The following BCL2L13 variants were observed in gnomAD, a reference collection of about 807,000 sequenced individuals.
BCL2L13 encodes the protein bcl-2-like protein 13.
A neutral mutation model predicts 25.8 loss-of-function variants in BCL2L13; 13 were observed. The ratio of observed to expected loss-of-function variants is 0.50; its 90% CI spans 0.33 to 0.80. The LOEUF is 0.80. Ranked by LOEUF, BCL2L13 falls within the 30% of genes least tolerant of loss-of-function variation. The probability of loss-of-function intolerance (pLI) is 0.02; values close to 1 mark genes in which losing one functional copy is unlikely to be tolerated. For missense variants in BCL2L13, 504 were observed against 574.9 expected, an observed-to-expected ratio of 0.88 and a Z score of 1.26; for synonymous variants, 244 against 230.3, an observed-to-expected ratio of 1.06 and a Z score of -0.54.
At chr22:17,667,900 T>C (rs1426427045) in intron 2 of BCL2L13, among the ~76,000 whole-genome samples, 1 of 152,130 alleles carries the variant, frequency 6.6e-6, no homozygotes, top group Non-Finnish European at 1.5e-5. Context: ...GTCTTTTTAC[T>C]TACTTTCTTG....
At position 17,686,584 on chromosome 22, in the gene BCL2L13, C is replaced by G. The variant is rs1302604122; in HGVS notation, c.230-2402C>G. Among the ~76,000 whole-genome samples, 3 of 147,296 alleles carry G rather than the reference C, an allele frequency of 2.0e-5. No homozygotes were observed. In the East Asian group the frequency reaches 6.2e-4, roughly 30 times the overall value. ...GGAGTGCAGTGGTGCGATCTCAGTT[C>G]ACTGCAACCTCCGCCTCCCGAGTTT... is the stretch of plus-strand genomic sequence containing the variant. On this transcript the variant is annotated intron_variant, in intron 3 of 6. Coordinates refer to ENST00000317582, the MANE Select transcript of BCL2L13 (RefSeq NM_015367.4).
At chr22:17,709,142 A>C (rs935104206) in intron 6 of BCL2L13, among the ~76,000 whole-genome samples, 2 of 152,096 alleles carry the variant, frequency 1.3e-5, no homozygotes, top group African/African-American at 4.8e-5. Context: ...AGGCTGAGGC[A>C]GGAGAATGGC....
At chr22:17,650,326 T>A (rs1014500066) in intron 1 of BCL2L13, among the ~76,000 whole-genome samples, 3 of 152,188 alleles carry the variant, frequency 2.0e-5, no homozygotes. Context: ...GGGTTCCTCT[T>A]CCAGCTTCTC....
Position 17,693,368 on chromosome 22 carries a change from G to GTT in BCL2L13, c.387-2771_387-2770dup, listed in dbSNP as rs1335053444. On this transcript the variant is annotated intron_variant, in intron 4 of 6. Coordinates refer to ENST00000317582, the MANE Select transcript of BCL2L13 (RefSeq NM_015367.4). ...TTATTTATTTATTTATTTATTTAGT[G>GTT]TTTGTTTTTTTTTTTTTTTTTTTTT... Among the ~76,000 whole-genome samples the GTT allele has an allele frequency of 4.3e-4, 48 of 112,228 alleles. 3 individuals carry two copies. Among genetic ancestry groups the GTT allele is most frequent in the African/African-American group, 1.8e-3 (45 of 25,596 alleles). The allele number at this position is 112,228 out of a possible 152,430, so 73.6% of individuals were successfully genotyped here. A position where few individuals can be genotyped will look rare whatever the true frequency, so the allele number is the denominator to read the frequency against.
chr22:17,685,764 T>C (rs953213741), intron 3 of BCL2L13, among the ~76,000 whole-genome samples: 1 of 92,992 alleles, frequency 1.1e-5, no homozygotes, highest in Non-Finnish European at 2.1e-5. Context: ...CTTTTTCTTT[T>C]TTTTTTTTTT....
chr22:17,705,878 C>T lies in BCL2L13; in HGVS notation c.600+3492C>T, dbSNP rs567786833. ...TGCAGCTACTTTTGAAAACCTGCAG[C>T]AGAGGAGGTGGTGCCAGCAGCCATA... On this transcript the variant is annotated intron_variant, in intron 6 of 6. Transcript: ENST00000317582. Among the ~76,000 whole-genome samples the T allele has an allele frequency of 2.0e-5, 3 of 152,232 alleles. No homozygotes were observed. In the East Asian group the frequency reaches 5.8e-4, roughly 29 times the overall value.
chr22:17,726,535 C>G (rs2061303331), intron 6 of BCL2L13, 142 bp from the exon 7 acceptor site: 3 of 940,430 alleles, frequency 3.2e-6, no homozygotes, highest in South Asian at 3.6e-5. Flanking sequence ...CAAATACATG[C>G]ATTCCATTCG....
intron 4 of BCL2L13, among the ~76,000 whole-genome samples, chr22:17,691,521 C>T (rs2060104194): frequency 6.6e-6 from 1 of 152,124 alleles, no homozygotes; most frequent in Non-Finnish European, 1.5e-5. Context: ...TGGTGGGTGC[C>T]TGTAGTCCCA....
At chr22:17,721,691 A>G (rs961932356) in intron 6 of BCL2L13, among the ~76,000 whole-genome samples, 13 of 151,974 alleles carry the variant, frequency 8.6e-5, no homozygotes, top group African/African-American at 3.1e-4. Context: ...CGCCTGGCTA[A>G]TTTTTGTATT....
At chr22:17,674,301 TTTTG>T (rs2059508464) in intron 2 of BCL2L13, among the ~76,000 whole-genome samples, 1 of 152,056 alleles carries the variant, frequency 6.6e-6, no homozygotes, top group African/African-American at 2.4e-5. Context: ...TGTTTGAGGT[TTTTG>T]TTTGTTTTGT....
intron 5 of BCL2L13, among the ~76,000 whole-genome samples, chr22:17,698,115 C>CT (rs532136778): frequency 2.4e-3 from 347 of 145,664 alleles, no homozygotes; most frequent in African/African-American, 7.2e-3. Context: ...TGTGCCTGGC[C>CT]TTTTTTTTTT....
intron 6 of BCL2L13, among the ~76,000 whole-genome samples, chr22:17,723,828 GAGGC>G (rs970719030): frequency 3.4e-4 from 52 of 152,052 alleles, no homozygotes; most frequent in African/African-American, 1.3e-3. Context: ...AGCTACTCGG[GAGGC>G]TGAGGCAGGA....
chr22:17,702,153 A>G (rs1438360606), intron 5 of BCL2L13, 90 bp from the exon 6 acceptor site: 15 of 1,020,862 alleles, frequency 1.5e-5, no homozygotes, highest in Non-Finnish European at 2.0e-5. Context: ...TTAATGATGC[A>G]TTTAAATATA....
chr22:17,643,304 G>T (rs567979655), intron 1 of BCL2L13, among the ~76,000 whole-genome samples: 16 of 151,716 alleles, frequency 1.1e-4, no homozygotes, highest in African/African-American at 3.4e-4. Flanking sequence ...TTGAGATGCA[G>T]TTTCACTCTT....
intron 6 of BCL2L13, among the ~76,000 whole-genome samples, chr22:17,715,121 T>TA (rs2060877412): frequency 1.5e-5 from 1 of 68,042 alleles, no homozygotes; most frequent in Non-Finnish European, 2.8e-5. Context: ...CAGTGTTAAT[T>TA]TTATATATAT....
Position 17,727,121 on chromosome 22 carries a change from A to G in BCL2L13, c.1045A>G (p.Ile349Val), listed in dbSNP as rs772950086. ...PEAPAPLLPH[I>V]TATSLLGTRE... ...AGCCCCAGCTCCCTTGCTTCCACAT[A>G]TCACTGCCACCTCCCTGCTGGGGAC... Residue 349 changes from isoleucine to valine, a missense_variant, in exon 7 of 7, where the codon ATC (isoleucine) becomes GTC (valine). Ile to Val is a conservative substitution (Grantham distance 29). Coordinates refer to ENST00000317582, the MANE Select transcript of BCL2L13 (RefSeq NM_015367.4). The G allele has an allele frequency of 1.2e-6, 2 of 1,614,042 alleles. No homozygotes were observed. The highest frequency in any genetic ancestry group is 1.7e-6 in the Non-Finnish European group (2 of 1,180,032).
chr22:17,639,212 G>C (rs1165550868), intron 1 of BCL2L13, among the ~76,000 whole-genome samples: 1 of 152,156 alleles, frequency 6.6e-6, no homozygotes, highest in Non-Finnish European at 1.5e-5. Flanking sequence ...GAAAACCCGG[G>C]TCCATTTTTA....
In BCL2L13 at chr22:17,730,129, C is replaced by G. The variant is rs188857903; in HGVS notation, c.*2595C>G. 1 of 152,304 alleles carries G rather than the reference C, an allele frequency of 6.6e-6. No individual in the cohort carries two copies. Among genetic ancestry groups the G allele is most frequent in the East Asian group, 1.9e-4 (1 of 5,190 alleles). 9.4% of individuals were successfully genotyped at this position (152,304 alleles called of 1,614,324 possible). On this transcript the variant is annotated 3_prime_UTR_variant, in exon 7 of 7. Transcript: ENST00000317582. The stretch of plus-strand genomic sequence containing the variant: ...GTCCTTAGACCTCATCTCAACTGCT[C>G]TGTTGAAGGTAATGATTTATTGGGG...
chr22:17,715,178 T>A (rs1176353300), intron 6 of BCL2L13, among the ~76,000 whole-genome samples: 36 of 54,066 alleles, frequency 6.7e-4, no homozygotes, highest in Non-Finnish European at 8.1e-4. Context: ...ATATTTTTTT[T>A]TTTTTTTTTT....
Sources: gnomAD v4.1 joint callset for allele counts (sites outside exome capture counted in the v4.1 genomes callset) on GRCh38, gnomAD v4.1.1 for gene constraint, MANE v1.5 for transcripts, NCBI Gene and HGNC (gene_info 2026-07-23, HGNC 2026-07-21) for gene names.